Variants in L2HGDH observed in about 807,000 individuals in gnomAD.
L2HGDH encodes L-2-hydroxyglutarate dehydrogenase.
L2HGDH carries 34 observed loss-of-function variants against 51.5 expected under a neutral mutation model. That is an observed-to-expected ratio of 0.66 (90% CI 0.50 to 0.88). The LOEUF (loss-of-function observed/expected upper bound fraction) is 0.88, where lower values mean the gene tolerates loss of function less well. Among genes scored for constraint, L2HGDH ranks in the 40% least tolerant of loss-of-function variants. The pLI is 0.00. For synonymous variants in L2HGDH, 198 were observed against 197.9 expected, an observed-to-expected ratio of 1.00 and a Z score of -0.01; for missense variants, 558 against 571.9, an observed-to-expected ratio of 0.98 and a Z score of 0.25.
intron 4 of L2HGDH, among the ~76,000 whole-genome samples, chr14:50,288,234 G>C (rs1216446431): frequency 2.0e-5 from 3 of 152,118 alleles, no homozygotes; most frequent in Non-Finnish European, 4.4e-5. Context: ...AATAGATTTA[G>C]TCTATTTTCG....
At chr14:50,250,435 A>G (rs1408245358) in intron 9 of L2HGDH, among the ~76,000 whole-genome samples, 1 of 152,206 alleles carries the variant, frequency 6.6e-6, no homozygotes, top group East Asian at 1.9e-4. Context: ...AGTGAGAAGA[A>G]CTTTGTATTG....
At chr14:50,253,421 G>A (rs1010027858) in intron 9 of L2HGDH, among the ~76,000 whole-genome samples, 2 of 152,008 alleles carry the variant, frequency 1.3e-5, no homozygotes. Flanking sequence ...TGGCAAACAG[G>A]CATATGAAAA....
intron 9 of L2HGDH, among the ~76,000 whole-genome samples, chr14:50,247,504 G>A (rs1339117523): frequency 6.6e-6 from 1 of 152,062 alleles, no homozygotes; most frequent in Non-Finnish European, 1.5e-5. Context: ...ATAAAAACAA[G>A]TAAGTTATTT....
At chr14:50,294,762 C>T (rs1360923525) in intron 3 of L2HGDH, among the ~76,000 whole-genome samples, 4 of 152,334 alleles carry the variant, frequency 2.6e-5, no homozygotes, top group Middle Eastern at 3.4e-3. Flanking sequence ...ACAAAACATT[C>T]TGTTGCAGGG....
intron 1 of L2HGDH, among the ~76,000 whole-genome samples, chr14:50,303,459 TAA>T (rs113584778): frequency 7.0e-6 from 1 of 143,292 alleles, no homozygotes; most frequent in African/African-American, 2.6e-5. Flanking sequence ...TCACATGTAT[TAA>T]AAAAAAAAAA....
chr14:50,285,108 G>A (rs544707264), intron 4 of L2HGDH, among the ~76,000 whole-genome samples: 161 of 152,266 alleles, frequency 1.1e-3, no homozygotes, highest in Non-Finnish European at 1.7e-3. Context: ...TTAGCCGAAC[G>A]TGGTGGCGGG....
intron 9 of L2HGDH, among the ~76,000 whole-genome samples, chr14:50,249,128 A>G (rs933331290): frequency 6.6e-6 from 1 of 152,206 alleles, no homozygotes; most frequent in African/African-American, 2.4e-5. Context: ...TGCCCCAGCT[A>G]GACAGGAAGC....
chr14:50,283,569 T>C (rs1359454766), intron 5 of L2HGDH, among the ~76,000 whole-genome samples: 3 of 152,142 alleles, frequency 2.0e-5, no homozygotes, highest in Non-Finnish European at 2.9e-5. Context: ...ACCCCACAAA[T>C]ACCAAAATTC....
chr14:50,249,882 CTTTTTTTTTTTTTTTTTT>C (rs747924080), intron 9 of L2HGDH, among the ~76,000 whole-genome samples: 100 of 68,954 alleles, frequency 1.5e-3, no homozygotes, highest in African/African-American at 4.7e-3. Context: ...GCTTACACTC[CTTTTTTTTTTTTTTTTTT>C]TTTTTTTTTT....
intron 6 of L2HGDH, among the ~76,000 whole-genome samples, chr14:50,275,835 A>G (rs1012049602): frequency 2.0e-5 from 3 of 152,222 alleles, no homozygotes; most frequent in African/African-American, 7.2e-5. Flanking sequence ...TACCTCAATC[A>G]TCTACTACAT....
chr14:50,291,814 C>T (rs929699249), intron 4 of L2HGDH, among the ~76,000 whole-genome samples: 1 of 151,864 alleles, frequency 6.6e-6, no homozygotes, highest in African/African-American at 2.4e-5. Context: ...TAAAACTATA[C>T]AAACTAGGAT....
At chr14:50,294,286 A>G in intron 3 of L2HGDH, 40 bp from the exon 4 acceptor site, 1 of 1,595,038 alleles carries the variant, frequency 6.3e-7, no homozygotes, top group Non-Finnish European at 8.6e-7. Context: ...ATAGAGGTGA[A>G]TGTATCATCA....
intron 9 of L2HGDH, among the ~76,000 whole-genome samples, chr14:50,264,907 AAT>A (rs148824535): frequency 0.035 from 5,270 of 152,294 alleles, 297 homozygotes; most frequent in African/African-American, 0.12. Context: ...AATCAATCAA[AAT>A]ATAATGTTTT....
intron 6 of L2HGDH, among the ~76,000 whole-genome samples, chr14:50,277,019 A>G (rs145147090): frequency 1.3e-5 from 2 of 152,326 alleles, no homozygotes; most frequent in South Asian, 2.1e-4. Flanking sequence ...GTCTCTAAAC[A>G]TTGCCAAATG....
In L2HGDH at chr14:50,278,409, C is replaced by CTTTT; in HGVS notation, c.738+110_738+111insAAAA. 6 of 748,410 alleles carry CTTTT rather than the reference C, an allele frequency of 8.0e-6. No individual in the cohort carries two copies. In the Middle Eastern group the frequency reaches 1.1e-3, roughly 143 times the overall value. The allele number at this position is 748,410 out of a possible 1,614,324, so 46.4% of individuals were successfully genotyped here. A position where few individuals can be genotyped will look rare whatever the true frequency, so the allele number is the denominator to read the frequency against. On this transcript the variant is annotated intron_variant, in intron 6 of 9. Transcript: ENST00000267436. ...CCTAAAAGAAATTCTCTCAGAATTA[C>CTTTT]ATTAGACAAATGTCATTCAATAACT...
chr14:50,259,253 A>G (rs1233486008), intron 9 of L2HGDH, among the ~76,000 whole-genome samples: 6 of 151,548 alleles, frequency 4.0e-5, no homozygotes, highest in Admixed American at 6.6e-5. Flanking sequence ...CTAGGACTAT[A>G]TGCATGAGCC....
intron 4 of L2HGDH, among the ~76,000 whole-genome samples, chr14:50,285,542 C>T (rs1890522095): frequency 6.6e-6 from 1 of 152,124 alleles, no homozygotes; most frequent in Non-Finnish European, 1.5e-5. Context: ...ATTTTGGGTA[C>T]AATAATCTTA....
chr14:50,263,193 A>G (rs1375514272), intron 9 of L2HGDH, among the ~76,000 whole-genome samples: 1 of 152,272 alleles, frequency 6.6e-6, no homozygotes, highest in East Asian at 1.9e-4. Flanking sequence ...GAATATCAAT[A>G]GCAGTAATAG....
chr14:50,277,190 T>C lies in L2HGDH; in HGVS notation c.738+1330A>G, dbSNP rs550061402. On this transcript the variant is annotated intron_variant, in intron 6 of 9. Coordinates refer to ENST00000267436, the MANE Select transcript of L2HGDH (RefSeq NM_024884.3). The stretch of plus-strand genomic sequence containing the variant: ...TAAACATAATCCAGGATGGATAAAG[T>C]AGACTGTTTTTTTTTTGTTTTTTTT... 6.7e-5 allele frequency among the ~76,000 whole-genome samples: 10 copies of C among 148,368 alleles called. 1 individual carries two copies. The East Asian group carries it at 2.1e-3, about 31-fold the overall frequency.
Sources: allele counts gnomAD v4.1 joint callset (sites outside exome capture counted in the v4.1 genomes callset), GRCh38; gene constraint gnomAD v4.1.1; transcripts MANE v1.5; gene names NCBI Gene and HGNC (gene_info 2026-07-23, HGNC 2026-07-21).